Variants in SPATA16 observed in about 807,000 individuals in gnomAD.
SPATA16 encodes spermatogenesis associated 16, also known as spermatogenesis-associated protein 16.
In SPATA16, 36 loss-of-function variants were observed where a neutral mutation model predicts 63.3. That is an observed-to-expected ratio of 0.57 (90% CI 0.44 to 0.75). The LOEUF (loss-of-function observed/expected upper bound fraction) is 0.75. SPATA16 is among the 30% of genes least tolerant of loss of function. The pLI is 0.00. For synonymous variants in SPATA16, 203 were observed against 216.7 expected (o/e 0.94, Z 0.56); for missense variants, 646 against 679.3 (o/e 0.95, Z 0.54).
chr3:173,089,189 A>T (rs752360904), intron 2 of SPATA16, among the ~76,000 whole-genome samples: 7 of 152,182 alleles, frequency 4.6e-5, no homozygotes, highest in Non-Finnish European at 7.4e-5. Context: ...ATACATCCAT[A>T]GAGAATTGGT....
At chr3:173,057,278 A>AT (rs1182444556) in intron 2 of SPATA16, among the ~76,000 whole-genome samples, 2 of 151,522 alleles carry the variant, frequency 1.3e-5, no homozygotes, top group African/African-American at 2.4e-5. Flanking sequence ...CGCCTGGGTA[A>AT]TTTTTTTGTA....
chr3:172,943,168 A>G (rs1434228700), intron 6 of SPATA16, among the ~76,000 whole-genome samples: 2 of 152,218 alleles, frequency 1.3e-5, no homozygotes, highest in African/African-American at 2.4e-5. Context: ...AATAAATATA[A>G]GAGCAGAAAG....
At chr3:172,960,140 G>C (rs1733715100) in intron 5 of SPATA16, among the ~76,000 whole-genome samples, 1 of 152,052 alleles carries the variant, frequency 6.6e-6, no homozygotes, top group Non-Finnish European at 1.5e-5. Flanking sequence ...CCTTGATTTT[G>C]CGAATAAAGG....
At chr3:173,030,154 G>A (rs1427431366) in intron 3 of SPATA16, among the ~76,000 whole-genome samples, 2 of 146,728 alleles carry the variant, frequency 1.4e-5, no homozygotes, top group Non-Finnish European at 3.0e-5. Context: ...AGGGATTAAG[G>A]TAGCTTATAA....
At chr3:172,961,106 C>T (rs146758311) in intron 5 of SPATA16, among the ~76,000 whole-genome samples, 4,515 of 141,906 alleles carry the variant, frequency 0.032, 407 homozygotes, top group African/African-American at 0.12. Context: ...TCCTTCCTTC[C>T]TTCCTTCCTT....
intron 2 of SPATA16, among the ~76,000 whole-genome samples, chr3:173,080,421 G>A (rs1033115400): frequency 6.6e-6 from 1 of 151,120 alleles, no homozygotes; most frequent in African/African-American, 2.5e-5. Context: ...TTTTCATGTT[G>A]AAACGCCACA....
chr3:173,008,079 C>T (rs543982924), intron 4 of SPATA16, among the ~76,000 whole-genome samples: 133 of 151,932 alleles, frequency 8.8e-4, no homozygotes, highest in African/African-American at 3.1e-3. Flanking sequence ...TTTTCGAAAA[C>T]GAAAGACATG....
intron 3 of SPATA16, among the ~76,000 whole-genome samples, chr3:173,029,407 T>TTG (rs144866668): frequency 5.3e-5 from 4 of 76,130 alleles, no homozygotes; most frequent in Non-Finnish European, 8.5e-5. Context: ...GTAATCAGAG[T>TTG]TTTTTTTTTG....
At chr3:172,913,632 G>T (rs749180065) in intron 10 of SPATA16, 29 bp downstream of exon 10, 3 of 1,596,854 alleles carry the variant, frequency 1.9e-6, no homozygotes, top group East Asian at 4.5e-5. Context: ...GAGAATAATA[G>T]ATCTTTTTCC....
At chr3:173,075,354 A>G (rs541353669) in intron 2 of SPATA16, among the ~76,000 whole-genome samples, 3 of 152,352 alleles carry the variant, frequency 2.0e-5, no homozygotes, top group South Asian at 2.1e-4. Context: ...TAAAATCACT[A>G]TGAAGAATAG....
At chr3:172,982,280 G>A (rs1295920146) in intron 4 of SPATA16, among the ~76,000 whole-genome samples, 1 of 152,178 alleles carries the variant, frequency 6.6e-6, no homozygotes, top group Non-Finnish European at 1.5e-5. Flanking sequence ...AAGTGGCATG[G>A]TAATGGAGTG....
chr3:173,008,803 T>C lies in SPATA16; in HGVS notation c.848+10683A>G, dbSNP rs1036980172. 3.3e-5 allele frequency among the ~76,000 whole-genome samples: 5 copies of C among 152,234 alleles called. No homozygotes were observed. The South Asian group carries it at 1.0e-3, about 32-fold the overall frequency. On this transcript the variant is annotated intron_variant, in intron 4 of 10. Coordinates refer to ENST00000351008, the MANE Select transcript of SPATA16 (RefSeq NM_031955.6). ...CATAACTACACACAGAAGAAGAACA[T>C]GTTAATGAGAATAAATCATTCCGTG...
chr3:172,912,673 CT>C (rs1275545105), intron 10 of SPATA16, among the ~76,000 whole-genome samples: 1 of 152,066 alleles, frequency 6.6e-6, no homozygotes, highest in Non-Finnish European at 1.5e-5. Flanking sequence ...ATAACATTTT[CT>C]TTTTTCTAGC....
At chr3:172,976,831 C>A in intron 5 of SPATA16, 137 bp downstream of exon 5, 1 of 726,940 alleles carries the variant, frequency 1.4e-6, no homozygotes, top group Non-Finnish European at 2.4e-6. Context: ...GTTATGAATA[C>A]ATTATTATTC....
At chr3:173,028,001 C>CCTTCCTTCTTTCCTT (rs1735494203) in intron 3 of SPATA16, among the ~76,000 whole-genome samples, 1 of 63,156 alleles carries the variant, frequency 1.6e-5, no homozygotes, top group African/African-American at 7.4e-5. Context: ...CTCCCTCCCT[C>CCTTCCTTCTTTCCTT]CCTCCCTCCC....
At chr3:173,025,108 G>A (rs1211965713) in intron 3 of SPATA16, among the ~76,000 whole-genome samples, 1 of 150,884 alleles carries the variant, frequency 6.6e-6, no homozygotes, top group Non-Finnish European at 1.5e-5. Context: ...TGTAAATAGA[G>A]AATATCTTGG....
intron 5 of SPATA16, among the ~76,000 whole-genome samples, chr3:172,965,654 A>G (rs1733901170): frequency 6.6e-6 from 1 of 150,764 alleles, no homozygotes; most frequent in Non-Finnish European, 1.5e-5. Flanking sequence ...TTTTTTTGAG[A>G]TGGAGTCTCG....
intron 2 of SPATA16, among the ~76,000 whole-genome samples, chr3:173,086,645 A>G (rs999527727): frequency 2.0e-5 from 3 of 152,018 alleles, no homozygotes; most frequent in African/African-American, 7.2e-5. Flanking sequence ...TCAATTTGAG[A>G]CCTTTCTAGC....
intron 2 of SPATA16, among the ~76,000 whole-genome samples, chr3:173,097,525 A>C (rs943095341): frequency 1.3e-5 from 2 of 152,186 alleles, no homozygotes. Flanking sequence ...AGTTCATGAT[A>C]AGTGCTTCAT....
Sources: allele counts gnomAD v4.1 joint callset (sites outside exome capture counted in the v4.1 genomes callset), GRCh38; gene constraint gnomAD v4.1.1; transcripts MANE v1.5; gene names NCBI Gene and HGNC (gene_info 2026-07-23, HGNC 2026-07-21).